Variants in TP63 observed in about 807,000 individuals in gnomAD.
TP63 encodes the protein tumor protein 63.
A neutral mutation model predicts 82.8 loss-of-function variants in TP63; 17 were observed. The observed-to-expected ratio is 0.21, with a 90% CI of 0.14 to 0.31. The LOEUF is 0.31. TP63 is among the 10% of genes least tolerant of loss of function. The pLI is 1.00. For synonymous variants in TP63, 330 were observed against 321.7 expected (o/e 1.03, Z -0.28); for missense variants, 648 against 895.3 (o/e 0.72, Z 3.52).
chr3:189,674,405 G>A (rs1715203975), intron 1 of TP63, among the ~76,000 whole-genome samples: 1 of 151,952 alleles, frequency 6.6e-6, no homozygotes, highest in Non-Finnish European at 1.5e-5. Flanking sequence ...TTTGGTCCTG[G>A]TAATTTATTC....
intron 1 of TP63, among the ~76,000 whole-genome samples, chr3:189,668,694 G>T (rs190574415): frequency 6.6e-6 from 1 of 152,000 alleles, no homozygotes; most frequent in Non-Finnish European, 1.5e-5. Flanking sequence ...AGACAAGTGA[G>T]AAAGGGGTGA....
chr3:189,712,817 A>G (rs1718691440), intron 1 of TP63, among the ~76,000 whole-genome samples: 1 of 152,182 alleles, frequency 6.6e-6, no homozygotes, highest in Non-Finnish European at 1.5e-5. Context: ...AAATGAAGGT[A>G]GGATTATGAA....
chr3:189,677,954 GT>G (rs1270912703), intron 1 of TP63, among the ~76,000 whole-genome samples: 1 of 151,714 alleles, frequency 6.6e-6, no homozygotes, highest in Non-Finnish European at 1.5e-5. Context: ...ATTTCTTGTT[GT>G]TTTTGTTATG....
In TP63 at chr3:189,737,761, T is replaced by G. The variant is rs370716448; in HGVS notation, c.84T>G (p.His28Gln). 6.8e-5 allele frequency: 109 copies of G among 1,613,864 alleles called. No homozygotes were observed. The highest frequency in any genetic ancestry group is 8.6e-5 in the Non-Finnish European group (102 of 1,179,882). Residue 28 changes from histidine (H) to glutamine (Q), a missense_variant, in exon 2 of 14, where the codon CAT becomes CAG. Physicochemically the swap from His to Gln is conservative, Grantham distance 24 (BLOSUM62 0). Around this residue, in one of 5 missense-constraint regions of TP63, gnomAD observed 182 missense variants for 213.6 expected, o/e 0.85. Transcript: ENST00000264731. ...TAAGTTTCGTAGAAACCCCAGCTCATTTCTCTTGGAAAGAAAGTTATTACC... is the reference window on the plus strand; with the variant it reads ...TAAGTTTCGTAGAAACCCCAGCTCAGTTCTCTTGGAAAGAAAGTTATTACC... ...YIQRFVETPA[H>Q]FSWKESYYRS...
intron 4 of TP63, among the ~76,000 whole-genome samples, chr3:189,831,461 T>C (rs557010588): frequency 3.7e-4 from 56 of 152,194 alleles, no homozygotes; most frequent in African/African-American, 1.3e-3. Context: ...TTCCATGATA[T>C]CATTCGAGCT....
At chr3:189,738,521 C>G (rs971470457) in intron 2 of TP63, 121 bp from the exon 3 acceptor site, 90 of 1,457,496 alleles carry the variant, frequency 6.2e-5, no homozygotes, top group Non-Finnish European at 7.4e-5. Flanking sequence ...GAGTTTCTAA[C>G]TCCAAGAAAC....
chr3:189,736,354 C>T (rs963570501), intron 1 of TP63, among the ~76,000 whole-genome samples: 1 of 151,984 alleles, frequency 6.6e-6, no homozygotes, highest in Admixed American at 6.6e-5. Flanking sequence ...TTGTGATTTT[C>T]TCACACATAC....
At chr3:189,635,966 TC>T (rs1052460896) in intron 1 of TP63, among the ~76,000 whole-genome samples, 2 of 152,150 alleles carry the variant, frequency 1.3e-5, no homozygotes, top group African/African-American at 4.8e-5. Flanking sequence ...TTTAGCCATC[TC>T]CGTAATCACT....
chr3:189,780,011 G>A (rs1724106517), intron 3 of TP63, among the ~76,000 whole-genome samples: 1 of 152,146 alleles, frequency 6.6e-6, no homozygotes, highest in African/African-American at 2.4e-5. Flanking sequence ...CCCAAGAATT[G>A]AGTAAAATGT....
intron 4 of TP63, among the ~76,000 whole-genome samples, chr3:189,810,981 GT>G (rs1289114775): frequency 6.6e-6 from 1 of 152,016 alleles, no homozygotes; most frequent in East Asian, 1.9e-4. Flanking sequence ...CTACCAAAAT[GT>G]TAGGTTTAAA....
intron 1 of TP63, among the ~76,000 whole-genome samples, chr3:189,633,985 C>T (rs553111627): frequency 2.6e-5 from 4 of 152,098 alleles, no homozygotes; most frequent in African/African-American, 9.6e-5. Flanking sequence ...TTACTATTTT[C>T]CAACCTTTAT....
At chr3:189,806,608 C>T (rs981330012) in intron 3 of TP63, among the ~76,000 whole-genome samples, 2 of 152,106 alleles carry the variant, frequency 1.3e-5, no homozygotes, top group Non-Finnish European at 2.9e-5. Context: ...TTGGCCACAC[C>T]TGCCGGGAGA....
rs2108809007 is a variant in TP63, at chr3:189,869,311, T to C, written c.1130-13T>C. On this transcript the variant is annotated splice_polypyrimidine_tract_variant and intron_variant, in intron 8 of 13. Coordinates refer to ENST00000264731, the MANE Select transcript of TP63 (RefSeq NM_003722.5). ...GTGTTCCCAGGATGAAACTTGCATT[T>C]TTCCTCCACCAGCGTTTCGTCAGAA... is the stretch of plus-strand genomic sequence containing the variant. 1.2e-6 allele frequency: 2 copies of C among 1,613,798 alleles called. No individual in the cohort carries two copies. The highest frequency in any genetic ancestry group is 1.1e-5 in the South Asian group (1 of 91,084).
chr3:189,832,308 T>C (rs1712487364), intron 4 of TP63, among the ~76,000 whole-genome samples: 1 of 152,160 alleles, frequency 6.6e-6, no homozygotes, highest in Admixed American at 6.6e-5. Context: ...CCCCAGGGAC[T>C]GACAGATGGA....
Position 189,894,518 on chromosome 3 carries a change from C to G in TP63, c.*16C>G, listed in dbSNP as rs201978861. 1.9e-6 allele frequency: 3 copies of G among 1,611,876 alleles called. No individual in the cohort carries two copies. The highest frequency in any genetic ancestry group is 2.5e-6 in the Non-Finnish European group (3 of 1,179,942). On this transcript the variant is annotated 3_prime_UTR_variant, in exon 14 of 14. Coordinates refer to ENST00000264731, the MANE Select transcript of TP63 (RefSeq NM_003722.5). ...GGGGGAGTGAGCCTCACCATGTGAG[C>G]TCTTCCTATCCCTCTCCTAACTGCC...
intron 3 of TP63, among the ~76,000 whole-genome samples, chr3:189,805,318 A>G (rs1726765541): frequency 6.6e-6 from 1 of 152,198 alleles, no homozygotes; most frequent in Non-Finnish European, 1.5e-5. Context: ...CTCATTACAA[A>G]TGATTTCTTC....
chr3:189,723,589 C>T lies in TP63; in HGVS notation c.63-14151C>T, dbSNP rs78661971. Among the ~76,000 whole-genome samples the T allele has an allele frequency of 2.6e-3, 395 of 152,282 alleles. 2 individuals are homozygous for T. The highest frequency in any genetic ancestry group is 9.0e-3 in the African/African-American group (372 of 41,558). On this transcript the variant is annotated intron_variant, in intron 1 of 13. Transcript: ENST00000264731. Reference sequence around the variant, plus strand: ...GCCATATACTGTGCTAATCTGTGAACCCACAAAGGCCAGAAACTAAAATTT... The same window carrying T: ...GCCATATACTGTGCTAATCTGTGAATCCACAAAGGCCAGAAACTAAAATTT...
At chr3:189,845,428 A>T (rs190657911) in intron 4 of TP63, among the ~76,000 whole-genome samples, 128 of 152,332 alleles carry the variant, frequency 8.4e-4, no homozygotes, top group Admixed American at 1.8e-3. Context: ...CAGTGATGAG[A>T]AAAACAAATT....
chr3:189,756,168 G>T (rs528951609), intron 3 of TP63, among the ~76,000 whole-genome samples: 1 of 152,054 alleles, frequency 6.6e-6, no homozygotes, highest in Non-Finnish European at 1.5e-5. Flanking sequence ...TATCCCTTTG[G>T]CTTCTACTAT....
Sources: gnomAD v4.1 joint callset for allele counts (sites outside exome capture counted in the v4.1 genomes callset) on GRCh38, gnomAD v4.1.1 for gene constraint, gnomAD v4.1.1 regional missense constraint, MANE v1.5 for transcripts, NCBI Gene and HGNC (gene_info 2026-07-23, HGNC 2026-07-21) for gene names.